Variants in TEPSIN observed in about 807,000 individuals in gnomAD.
TEPSIN encodes TEPSIN adaptor related protein complex 4 accessory protein.
Under a neutral mutation model 48.5 loss-of-function variants are expected in TEPSIN, and 50 were observed. That is an observed-to-expected ratio of 1.03 (90% confidence interval 0.82 to 1.31). The LOEUF (loss-of-function observed/expected upper bound fraction) is 1.31. TEPSIN is among the 50% of genes most tolerant of loss of function. The pLI is 0.00. For synonymous variants in TEPSIN, 392 were observed against 358.8 expected (o/e 1.09, Z -1.05); for missense variants, 838 against 815.9 (o/e 1.03, Z -0.33).
rs747503622 is a variant in TEPSIN, at chr17:81,229,154, C to T, written c.1556G>A (p.Gly519Glu). The T allele has an allele frequency of 6.2e-7, 1 of 1,612,686 alleles. No homozygotes were observed. The highest frequency in any genetic ancestry group is 2.2e-5 in the East Asian group (1 of 44,842). ...SRRWRPERIPGGTDSPKRGPS... is the reference protein window; with the variant it reads ...SRRWRPERIPEGTDSPKRGPS... The stretch of plus-strand genomic sequence containing the variant: ...GCCTCTCTTTGGGCTGTCCGTGCCC[C>T]CTGGGATCCGTTCAGGTCTCCACCG... The change falls in exon 13 of 13, where the codon GGG becomes GAG. Residue 519 changes from glycine (G) to glutamate (E), a missense_variant. By Grantham distance (98) the Gly-to-Glu change is moderately conservative. Transcript: ENST00000637944.
In TEPSIN at chr17:81,234,214, C is replaced by T. The variant is rs2062680500; in HGVS notation, c.308-166G>A. 3.9e-6 allele frequency: 2 copies of T among 513,762 alleles called. No individual in the cohort carries two copies. Among genetic ancestry groups the T allele is most frequent in the African/African-American group, 4.0e-5 (2 of 49,714 alleles). The allele number at this position is 513,762 out of a possible 1,614,324, so 31.8% of individuals were successfully genotyped here. A position where few individuals can be genotyped will look rare whatever the true frequency, so the allele number is the denominator to read the frequency against. On this transcript the variant is annotated intron_variant, in intron 4 of 12. Coordinates refer to ENST00000637944, the MANE Select transcript of TEPSIN (RefSeq NM_001363764.2). This position sits in a 1 kb window ranked among gnomAD's most constrained non-coding sequence, Gnocchi z 5.4. ...CCTCCAGGACCCTGCAGAGGCCACACCTGAGCAGACCCTCAGCTCCCCCTC... is the reference window on the plus strand; with the variant it reads ...CCTCCAGGACCCTGCAGAGGCCACATCTGAGCAGACCCTCAGCTCCCCCTC...
rs952335905 is a variant in TEPSIN at position 81,238,830 on chromosome 17, G to A, written c.48+156C>T. The A allele has an allele frequency of 6.0e-6, 8 of 1,332,502 alleles. No homozygotes were observed. In the Admixed American group the frequency reaches 1.3e-4, roughly 21 times the overall value. The allele number at this position is 1,332,502 out of a possible 1,614,324, so 82.5% of individuals were successfully genotyped here. The stretch of plus-strand genomic sequence containing the variant: ...AAGGCCCCGGGACGGCGCGGCGGGC[G>A]GGCAGCTCAGGGGCGTCGGCGCGGG... On this transcript the variant is annotated intron_variant, in intron 1 of 12. Transcript: ENST00000637944.
chr17:81,233,778 C>A lies in TEPSIN; in HGVS notation c.376-62G>T. On this transcript the variant is annotated intron_variant, in intron 5 of 12. Coordinates refer to ENST00000637944, the MANE Select transcript of TEPSIN (RefSeq NM_001363764.2). This position sits in a 1 kb window ranked among gnomAD's most constrained non-coding sequence, Gnocchi z 5.8. The stretch of plus-strand genomic sequence containing the variant: ...CCAGGGCCTGCTGTACTCACCCTGC[C>A]ACCCATATCAGCTCCGTTCTGTCCC... 1 of 1,493,782 alleles carries A rather than the reference C, an allele frequency of 6.7e-7. No individual in the cohort carries two copies. The highest frequency in any genetic ancestry group is 1.4e-5 in the African/African-American group (1 of 72,610). 92.5% of individuals were successfully genotyped at this position (1,493,782 alleles called of 1,614,324 possible). A position where few individuals can be genotyped will look rare whatever the true frequency, so the allele number is the denominator to read the frequency against.
Position 81,229,472 on chromosome 17 carries a change from A to G in TEPSIN, c.1238T>C (p.Leu413Pro). Reference protein sequence around the residue: ...GPVTNKATKILRHFEASCGQL... With the variant: ...GPVTNKATKIPRHFEASCGQL... ...CCCACAGGAGGCCTCAAAGTGCCTC[A>G]GGATCTGAAAGAGGAAGGAGGAACC... The change falls in exon 13 of 13, where the codon CTG (leucine) becomes CCG (proline). Residue 413 changes from leucine (L) to proline (P), a missense_variant. By Grantham distance (98) the Leu-to-Pro change is moderately conservative. Transcript: ENST00000637944. The G allele has an allele frequency of 6.5e-7, 1 of 1,549,262 alleles. No homozygotes were observed. The highest frequency in any genetic ancestry group is 1.4e-5 in the African/African-American group (1 of 72,990).
rs907115613 is a variant in TEPSIN, at chr17:81,236,150, C to T, written c.307+558G>A. Among the ~76,000 whole-genome samples, 6 of 152,344 alleles carry T rather than the reference C, an allele frequency of 3.9e-5. No individual in the cohort carries two copies. The East Asian group carries it at 1.2e-3, about 29-fold the overall frequency. On this transcript the variant is annotated intron_variant, in intron 4 of 12. Coordinates refer to ENST00000637944, the MANE Select transcript of TEPSIN (RefSeq NM_001363764.2). ...CATTAGGCAGAGGCACATGGGACTG[C>T]CCCCAAGCCTGCGGGGACAGCTCCC... is the stretch of plus-strand genomic sequence containing the variant.
chr17:81,234,134 A>G lies in TEPSIN; in HGVS notation c.308-86T>C. 7.8e-7 allele frequency: 1 copy of G among 1,278,564 alleles called. No homozygotes were observed. Among genetic ancestry groups the G allele is most frequent in the Non-Finnish European group, 1.0e-6 (1 of 955,210 alleles). 79.2% of individuals were successfully genotyped at this position (1,278,564 alleles called of 1,614,324 possible). On this transcript the variant is annotated intron_variant, in intron 4 of 12. Coordinates refer to ENST00000637944, the MANE Select transcript of TEPSIN (RefSeq NM_001363764.2). This position sits in a 1 kb window ranked among gnomAD's most constrained non-coding sequence, Gnocchi z 5.4. ...GAGCACGGTGCCCTGGGCCCACTCC[A>G]GGGTGGCAAGTTCCTGCCACCAAGG...
At chr17:81,231,794 G>C in intron 9 of TEPSIN, 53 bp downstream of exon 9, 1 of 1,607,266 alleles carries the variant, frequency 6.2e-7, no homozygotes, top group Non-Finnish European at 8.5e-7. Context: ...CTGGGAGGGG[G>C]ACAGTGTGGT....
Position 81,233,707 on chromosome 17 carries a change from TC to T in TEPSIN, c.384del (p.Ser129AlafsTer92). 6.3e-7 allele frequency: 1 copy of T among 1,597,886 alleles called. No individual in the cohort carries two copies. On this transcript the variant is annotated frameshift_variant, in exon 6 of 13. Transcript: ENST00000637944. LOFTEE classifies it high-confidence loss of function. This position sits in a 1 kb window ranked among gnomAD's most constrained non-coding sequence, Gnocchi z 5.8. ...QKVRAAAQDL[G>X]STLFSDTVLP... ...AACACGGTGTCCGAGAACAGGGTGC[TC>T]CCCAAGTCCTACAGGGGGAGGCGAA... is the stretch of plus-strand genomic sequence containing the variant.
intron 2 of TEPSIN, 72 bp downstream of exon 2, chr17:81,237,315 G>A (rs1231136004): frequency 1.3e-6 from 2 of 1,524,764 alleles, no homozygotes; most frequent in East Asian, 2.3e-5. Context: ...AGAATCCCCA[G>A]GAACCCTTTG....
rs1333763625 is a variant in TEPSIN at position 81,237,393 on chromosome 17, T to A, written c.115A>T (p.Ile39Phe). Residue 39 changes from isoleucine (I) to phenylalanine (F), a missense_variant, in exon 2 of 13, where the codon ATT (isoleucine) becomes TTT (phenylalanine). Coordinates refer to ENST00000637944, the MANE Select transcript of TEPSIN (RefSeq NM_001363764.2). ...GGACATCAAGGAAGGATACTAGCAA[T>A]CTCTTCAAACAGGTAGCCCGGACAC... ...VPCPGYLFEE[I>F]AKISHESPGS... 2 of 1,611,494 alleles carry A rather than the reference T, an allele frequency of 1.2e-6. No homozygotes were observed. The highest frequency in any genetic ancestry group is 2.2e-5 in the East Asian group (1 of 44,868).
Position 81,229,243 on chromosome 17 carries a change from AT to A in TEPSIN, c.1466del (p.Asp489ValfsTer103). 1 of 1,385,492 alleles carries A rather than the reference AT, an allele frequency of 7.2e-7. No homozygotes were observed. Among genetic ancestry groups the A allele is most frequent in the Non-Finnish European group, 9.5e-7 (1 of 1,051,802 alleles). 85.8% of individuals were successfully genotyped at this position (1,385,492 alleles called of 1,614,324 possible). On this transcript the variant is annotated frameshift_variant, in exon 13 of 13. Coordinates refer to ENST00000637944, the MANE Select transcript of TEPSIN (RefSeq NM_001363764.2). LOFTEE classifies it low-confidence loss of function (END_TRUNC). ...PSSPVPTPPPDASPIPAPGDP... is the reference protein window; with the variant it reads ...PSSPVPTPPPXASPIPAPGDP... ...CTCCGGGGGCTGGAATGGGGGAGGCATCTGGGGGTGGGGTGGGCACAGGGCT... is the reference window on the plus strand; with the variant it reads ...CTCCGGGGGCTGGAATGGGGGAGGCACTGGGGGTGGGGTGGGCACAGGGCT...
rs2062600075 is a variant in TEPSIN, at chr17:81,231,317, G to A, written c.1098+81C>T. 25 of 1,374,258 alleles carry A rather than the reference G, an allele frequency of 1.8e-5. No individual in the cohort carries two copies. In the South Asian group the frequency reaches 2.5e-4, roughly 14 times the overall value. 85.1% of individuals were successfully genotyped at this position (1,374,258 alleles called of 1,614,324 possible). A position where few individuals can be genotyped will look rare whatever the true frequency, so the allele number is the denominator to read the frequency against. On this transcript the variant is annotated intron_variant, in intron 11 of 12. Coordinates refer to ENST00000637944, the MANE Select transcript of TEPSIN (RefSeq NM_001363764.2). ...CACACAGGTGTGCACACAGGCACAC[G>A]TGCACACACACGCACACGCACACAC... is the stretch of plus-strand genomic sequence containing the variant.
At position 81,236,813 on chromosome 17, in the gene TEPSIN, G is replaced by A. The variant is rs377224595; in HGVS notation, c.214-12C>T. The A allele has an allele frequency of 2.7e-4, 427 of 1,558,016 alleles. No homozygotes were observed. Among genetic ancestry groups the A allele is most frequent in the Non-Finnish European group, 3.4e-4 (393 of 1,151,832 alleles). The stretch of plus-strand genomic sequence containing the variant: ...AGGATCTTCAGCACCTGGGGAGTGG[G>A]GCGGTCAGCAGTGCTGGGCAGGCCG... On this transcript the variant is annotated splice_polypyrimidine_tract_variant and intron_variant, in intron 3 of 12. Transcript: ENST00000637944.
At chr17:81,236,855 G>C in intron 3 of TEPSIN, 54 bp from the exon 4 acceptor site, 1 of 1,542,954 alleles carries the variant, frequency 6.5e-7, no homozygotes, top group Non-Finnish European at 8.8e-7. Context: ...GGACACCCAG[G>C]GCAGGGCCCG....
At chr17:81,238,758 C>A in intron 1 of TEPSIN, 1 of 1,304,960 alleles carries the variant, frequency 7.7e-7, no homozygotes, top group South Asian at 2.3e-5. Context: ...CTGGCTGTGC[C>A]CATCGCCCTT....
At chr17:81,235,531 ACC>A (rs2062705418) in intron 4 of TEPSIN, among the ~76,000 whole-genome samples, 1 of 152,074 alleles carries the variant, frequency 6.6e-6, no homozygotes, top group Non-Finnish European at 1.5e-5. Context: ...GCCGACAAGA[ACC>A]CAGGGTCTGA....
At chr17:81,231,345 GCACA>G in intron 11 of TEPSIN, 49 bp downstream of exon 11, 1 of 1,452,934 alleles carries the variant, frequency 6.9e-7, no homozygotes, top group Non-Finnish European at 9.2e-7. Context: ...GCACACACAC[GCACA>G]CAGGCACATG....
At chr17:81,236,035 G>A (rs1006930810) in intron 4 of TEPSIN, among the ~76,000 whole-genome samples, 2 of 152,200 alleles carry the variant, frequency 1.3e-5, no homozygotes, top group African/African-American at 4.8e-5. Flanking sequence ...GGGCTGGGGT[G>A]GGGTCCAGAC....
Position 81,229,034 on chromosome 17 carries a change from T to A in TEPSIN, c.1676A>T (p.Glu559Val), listed in dbSNP as rs1204937682. The change falls in exon 13 of 13, where the codon GAG becomes GTG. Residue 559 changes from glutamate to valine, a missense_variant. Glu to Val is a moderately radical substitution (Grantham distance 121). Transcript: ENST00000637944. ...RLVGAGAAAG[E>V]SCPDAPRAPQ... Reference sequence around the variant, plus strand: ...GGCGCGGGGAGCATCAGGACAGGACTCTCCCGCAGCAGCCCCAGCCCCCAC... The same window carrying A: ...GGCGCGGGGAGCATCAGGACAGGACACTCCCGCAGCAGCCCCAGCCCCCAC... 6.2e-7 allele frequency: 1 copy of A among 1,612,970 alleles called. No individual in the cohort carries two copies. The highest frequency in any genetic ancestry group is 1.7e-5 in the Admixed American group (1 of 59,916).
Sources: gnomAD v4.1 joint callset for allele counts (sites outside exome capture counted in the v4.1 genomes callset) on GRCh38, gnomAD v4.1.1 for gene constraint, Gnocchi (gnomAD v3.1) non-coding constraint, MANE v1.5 for transcripts, NCBI Gene and HGNC (gene_info 2026-07-23, HGNC 2026-07-21) for gene names.